Variants in ATP9A observed in about 807,000 individuals in gnomAD.
ATP9A encodes probable phospholipid-transporting ATPase IIA.
In ATP9A, 52 loss-of-function variants were observed where a neutral mutation model predicts 144.1. The observed-to-expected ratio is 0.36, with a 90% CI of 0.29 to 0.45. The LOEUF (loss-of-function observed/expected upper bound fraction) is 0.45, where lower values mean the gene tolerates loss of function less well. Among genes scored for constraint, ATP9A ranks in the 20% least tolerant of loss-of-function variants. The pLI is 1.00. For synonymous variants in ATP9A, 582 were observed against 557.4 expected, an observed-to-expected ratio of 1.04 and a Z score of -0.62; for missense variants, 947 against 1,392.7, an observed-to-expected ratio of 0.68 and a Z score of 5.09.
At chr20:51,659,453 A>G (rs1734334747) in intron 13 of ATP9A, among the ~76,000 whole-genome samples, 1 of 152,196 alleles carries the variant, frequency 6.6e-6, no homozygotes, top group Non-Finnish European at 1.5e-5. Context: ...GGAGTCCTCA[A>G]TTGACATGCA....
At chr20:51,631,805 T>C (rs908635510) in intron 15 of ATP9A, among the ~76,000 whole-genome samples, 14 of 152,174 alleles carry the variant, frequency 9.2e-5, no homozygotes, top group African/African-American at 1.7e-4. Context: ...CTGGAACATC[T>C]TGTACGCCAC....
intron 4 of ATP9A, among the ~76,000 whole-genome samples, chr20:51,701,642 G>A (rs367576148): frequency 4.1e-4 from 62 of 152,182 alleles, no homozygotes; most frequent in Middle Eastern, 6.8e-3. Context: ...CAGCCAACAG[G>A]GCTCTTGCTC....
chr20:51,618,639 A>T lies in ATP9A; in HGVS notation c.2350+23T>A, dbSNP rs766293011. On this transcript the variant is annotated intron_variant, in intron 21 of 27. Coordinates refer to ENST00000338821, the MANE Select transcript of ATP9A (RefSeq NM_006045.3). Reference sequence around the variant, plus strand: ...GGTGCACCGGCAGGCCAGGGCCAGCAGCACAGCCTGAGCCTCGCCTACCTA... The same window carrying T: ...GGTGCACCGGCAGGCCAGGGCCAGCTGCACAGCCTGAGCCTCGCCTACCTA... 4.4e-6 allele frequency: 7 copies of T among 1,602,098 alleles called. No homozygotes were observed. The South Asian group carries it at 7.7e-5, about 18-fold the overall frequency.
chr20:51,742,909 A>C (rs544326355), intron 1 of ATP9A, among the ~76,000 whole-genome samples: 8 of 152,200 alleles, frequency 5.3e-5, no homozygotes, highest in Non-Finnish European at 1.2e-4. Flanking sequence ...CTGAAAAATA[A>C]ATAAGCGTCT....
intron 1 of ATP9A, among the ~76,000 whole-genome samples, chr20:51,767,167 C>G (rs1161034844): frequency 6.6e-6 from 1 of 151,666 alleles, no homozygotes; most frequent in Non-Finnish European, 1.5e-5. Context: ...GCAACTGACG[C>G]TGCAATAAGC....
intron 1 of ATP9A, among the ~76,000 whole-genome samples, chr20:51,751,416 T>C (rs1176304679): frequency 6.6e-6 from 1 of 151,574 alleles, no homozygotes; most frequent in Non-Finnish European, 1.5e-5. Context: ...TGCAATACCA[T>C]GCCCAGCTAA....
intron 1 of ATP9A, among the ~76,000 whole-genome samples, chr20:51,753,662 C>T (rs1300875766): frequency 7.2e-6 from 1 of 139,778 alleles, no homozygotes; most frequent in Non-Finnish European, 1.6e-5. Flanking sequence ...TTTTCTTTTT[C>T]TTTCTTTTTT....
chr20:51,745,836 C>T (rs2077805677), intron 1 of ATP9A, among the ~76,000 whole-genome samples: 1 of 152,104 alleles, frequency 6.6e-6, no homozygotes, highest in Non-Finnish European at 1.5e-5. Flanking sequence ...TATTTCAATA[C>T]CCAAAGGAAT....
chr20:51,766,842 T>TAAA (rs2077906276), intron 1 of ATP9A, among the ~76,000 whole-genome samples: 1 of 151,612 alleles, frequency 6.6e-6, no homozygotes, highest in Non-Finnish European at 1.5e-5. Context: ...TCCGTCTCAA[T>TAAA]AATAATAATA....
intron 22 of ATP9A, among the ~76,000 whole-genome samples, chr20:51,614,634 G>A (rs6013231): frequency 0.014 from 2,182 of 152,204 alleles, 53 homozygotes; most frequent in African/African-American, 0.05. Context: ...GTGACAGCCA[G>A]CAATAAAGGG....
At chr20:51,710,111 G>C (rs1237211718) in intron 4 of ATP9A, among the ~76,000 whole-genome samples, 1 of 152,092 alleles carries the variant, frequency 6.6e-6, no homozygotes, top group Non-Finnish European at 1.5e-5. Flanking sequence ...AGACCAGCCT[G>C]GCCAACATGG....
At chr20:51,723,405 A>C (rs938441272) in intron 3 of ATP9A, among the ~76,000 whole-genome samples, 1 of 151,924 alleles carries the variant, frequency 6.6e-6, no homozygotes, top group African/African-American at 2.4e-5. Flanking sequence ...TATAGGAAAA[A>C]AAATGAATTA....
chr20:51,699,036 G>A (rs1435049252), intron 4 of ATP9A, among the ~76,000 whole-genome samples: 1 of 152,126 alleles, frequency 6.6e-6, no homozygotes, highest in African/African-American at 2.4e-5. Flanking sequence ...TCAGCTAAGA[G>A]AGAGATAAAA....
chr20:51,680,059 G>A lies in ATP9A; in HGVS notation c.800-3851C>T, dbSNP rs185740962. Among the ~76,000 whole-genome samples the A allele has an allele frequency of 1.1e-3, 174 of 151,894 alleles. 1 individual carries two copies. The highest frequency in any genetic ancestry group is 6.8e-3 in the Middle Eastern group (2 of 292). ...AGCCTGGCCAACATGGTGAAATCCC[G>A]TCTCCACTAAAAATATAAAAATTAT... is the stretch of plus-strand genomic sequence containing the variant. On this transcript the variant is annotated intron_variant, in intron 9 of 27. Transcript: ENST00000338821.
intron 9 of ATP9A, among the ~76,000 whole-genome samples, chr20:51,687,711 C>T (rs1382398754): frequency 6.6e-6 from 1 of 151,788 alleles, no homozygotes; most frequent in Non-Finnish European, 1.5e-5. Context: ...CTGCAGTGAG[C>T]CATGATTGCA....
rs908807793 is a variant in ATP9A at position 51,753,001 on chromosome 20, C to G, written c.68+15301G>C. Among the ~76,000 whole-genome samples, 4 of 151,898 alleles carry G rather than the reference C, an allele frequency of 2.6e-5. No homozygotes were observed. The South Asian group carries it at 8.3e-4, about 32-fold the overall frequency. On this transcript the variant is annotated intron_variant, in intron 1 of 27. Transcript: ENST00000338821. Reference sequence around the variant, plus strand: ...CCTGTAATCCCAGCTACTTGGGAGGCTGAGGCAGGACAATCACTTGAACCT... The same window carrying G: ...CCTGTAATCCCAGCTACTTGGGAGGGTGAGGCAGGACAATCACTTGAACCT...
chr20:51,623,801 A>AAAAAAAAAGAAAG (rs558189054), intron 18 of ATP9A, among the ~76,000 whole-genome samples: 2 of 133,388 alleles, frequency 1.5e-5, no homozygotes, highest in Admixed American at 7.9e-5. Context: ...AAAAAAAAAA[A>AAAAAAAAAGAAAG]AAAGAAAGAA....
intron 22 of ATP9A, 115 bp from the exon 23 acceptor site, chr20:51,613,947 A>G: frequency 8.5e-7 from 1 of 1,176,382 alleles, no homozygotes; most frequent in South Asian, 1.6e-5. Flanking sequence ...TTCAAGAAAG[A>G]AATTCTTTGG....
At chr20:51,766,147 T>C (rs1452138689) in intron 1 of ATP9A, among the ~76,000 whole-genome samples, 3 of 152,230 alleles carry the variant, frequency 2.0e-5, no homozygotes, top group Non-Finnish European at 4.4e-5. Context: ...TTTTCTTTCA[T>C]GTACTGACTC....
Sources: gnomAD v4.1 joint callset for allele counts (sites outside exome capture counted in the v4.1 genomes callset) on GRCh38, gnomAD v4.1.1 for gene constraint, MANE v1.5 for transcripts, NCBI Gene and HGNC (gene_info 2026-07-23, HGNC 2026-07-21) for gene names.